AFG2A: variants seen among roughly 807,000 people sequenced by gnomAD.
AFG2A encodes ATPase family gene 2 protein homolog A.
At chr4:123,001,459 C>G in the AFG2A span, among the ~76,000 whole-genome samples, 1 of 151,364 alleles carries the variant, frequency 6.6e-6, no homozygotes, top group Non-Finnish European at 1.5e-5. Flanking sequence ...AAATTTCCCT[C>G]TACACACTGC....
the AFG2A span, among the ~76,000 whole-genome samples, chr4:123,263,116 G>A: frequency 6.6e-6 from 1 of 152,200 alleles, no homozygotes; most frequent in Admixed American, 6.5e-5. Flanking sequence ...TCTCCTTTCA[G>A]CAATGGAAAA....
chr4:123,020,455 G>A, the AFG2A span, among the ~76,000 whole-genome samples: 2 of 149,108 alleles, frequency 1.3e-5, no homozygotes, highest in Admixed American at 6.7e-5. Flanking sequence ...TGTAACCTCC[G>A]CCTCCCTGGT....
At chr4:123,216,316 A>C in the AFG2A span, among the ~76,000 whole-genome samples, 5 of 152,192 alleles carry the variant, frequency 3.3e-5, no homozygotes, top group African/African-American at 1.2e-4. Flanking sequence ...GGTGGTTAAT[A>C]TATAATATAA....
At chr4:123,026,454 A>T in the AFG2A span, among the ~76,000 whole-genome samples, 1 of 152,220 alleles carries the variant, frequency 6.6e-6, no homozygotes, top group Non-Finnish European at 1.5e-5. Flanking sequence ...AGCTAAAAAA[A>T]ATTGCAAAAA....
the AFG2A span, among the ~76,000 whole-genome samples, chr4:123,158,903 C>T: frequency 6.6e-6 from 1 of 152,142 alleles, no homozygotes; most frequent in Admixed American, 6.5e-5. Context: ...ATTTTAGAAT[C>T]AATTTTTCTA....
At chr4:123,139,224 G>A in the AFG2A span, among the ~76,000 whole-genome samples, 1 of 152,020 alleles carries the variant, frequency 6.6e-6, no homozygotes, top group Non-Finnish European at 1.5e-5. Context: ...CTTTCTCTTT[G>A]CATTCCCTTT....
the AFG2A span, among the ~76,000 whole-genome samples, chr4:122,925,114 A>C: frequency 6.6e-6 from 1 of 152,174 alleles, no homozygotes. Flanking sequence ...TGCAAAATTC[A>C]GAAACCTAAG....
chr4:123,288,858 ACT>A, the AFG2A span, among the ~76,000 whole-genome samples: 1 of 151,896 alleles, frequency 6.6e-6, no homozygotes, highest in East Asian at 1.9e-4. Context: ...ACATTCAGAC[ACT>A]CTCATCTAAC....
the AFG2A span, among the ~76,000 whole-genome samples, chr4:123,190,882 C>A: frequency 6.6e-6 from 1 of 152,192 alleles, no homozygotes; most frequent in African/African-American, 2.4e-5. Flanking sequence ...TCAACTCTTT[C>A]ACTGCAGTAT....
the AFG2A span, among the ~76,000 whole-genome samples, chr4:122,987,980 T>G: frequency 2.0e-5 from 3 of 152,160 alleles, no homozygotes; most frequent in African/African-American, 7.2e-5. Context: ...TGGTGCTGAA[T>G]ACCCACATTT....
chr4:123,082,083 T>G, the AFG2A span, among the ~76,000 whole-genome samples: 1 of 152,206 alleles, frequency 6.6e-6, no homozygotes, highest in Non-Finnish European at 1.5e-5. Context: ...GTGGCTTGCC[T>G]TCTCATTTTC....
At chr4:123,126,274 G>T in the AFG2A span, among the ~76,000 whole-genome samples, 4 of 151,968 alleles carry the variant, frequency 2.6e-5, no homozygotes, top group Non-Finnish European at 5.9e-5. Flanking sequence ...TTCCTTGACT[G>T]CCTGTCTTAA....
chr4:123,252,040 A>G, the AFG2A span, among the ~76,000 whole-genome samples: 1 of 152,136 alleles, frequency 6.6e-6, no homozygotes, highest in Non-Finnish European at 1.5e-5. Flanking sequence ...AGAGTTTGGG[A>G]ATTTAAAATA....
chr4:123,074,652 A>C, the AFG2A span, among the ~76,000 whole-genome samples: 1 of 152,010 alleles, frequency 6.6e-6, no homozygotes, highest in Non-Finnish European at 1.5e-5. Context: ...TCAACTTTTT[A>C]AAAATTTTGC....
At chr4:123,172,847 ACT>A in the AFG2A span, among the ~76,000 whole-genome samples, 383 of 152,208 alleles carry the variant, frequency 2.5e-3, 4 homozygotes, top group African/African-American at 8.9e-3. Context: ...TCTTAGAGAC[ACT>A]CTAAGCTTAA....
the AFG2A span, among the ~76,000 whole-genome samples, chr4:123,248,486 T>TG: frequency 2.0e-5 from 3 of 152,230 alleles, no homozygotes; most frequent in Non-Finnish European, 4.4e-5. Context: ...AAAAGTTAGC[T>TG]TTGTACATCT....
the AFG2A span, among the ~76,000 whole-genome samples, chr4:123,141,115 A>C: frequency 6.6e-6 from 1 of 152,196 alleles, no homozygotes; most frequent in Non-Finnish European, 1.5e-5. Flanking sequence ...TACTGTTTTC[A>C]TGTGTTTAAA....
the AFG2A span, among the ~76,000 whole-genome samples, chr4:123,037,753 G>C: frequency 1.3e-5 from 2 of 152,000 alleles, no homozygotes; most frequent in Non-Finnish European, 2.9e-5. Flanking sequence ...GTAAAATCTT[G>C]TTTTAAATTT....
At chr4:123,171,524 T>TAC in the AFG2A span, among the ~76,000 whole-genome samples, 112 of 152,076 alleles carry the variant, frequency 7.4e-4, 1 homozygote, top group Admixed American at 2.2e-3. Context: ...AATTTGTTTA[T>TAC]ACACACACAC....
Sources: gnomAD v4.1 joint callset for allele counts (sites outside exome capture counted in the v4.1 genomes callset) on GRCh38, gnomAD v4.1.1 for gene constraint, MANE v1.5 for transcripts, NCBI Gene and HGNC (gene_info 2026-07-23, HGNC 2026-07-21) for gene names.